The following LIMD1 variants were observed in gnomAD, a reference collection of about 807,000 sequenced individuals.
LIMD1 encodes the protein LIM domain containing 1, also known as LIM domain-containing protein 1.
Under a neutral mutation model 58.4 loss-of-function variants are expected in LIMD1, and 23 were observed. The ratio of observed to expected loss-of-function variants is 0.39; its 90% CI spans 0.28 to 0.56. LIMD1 has a LOEUF of 0.56. LIMD1 is among the 20% of genes least tolerant of loss of function. The probability of loss-of-function intolerance (pLI) is 0.57; values close to 1 mark genes in which losing one functional copy is unlikely to be tolerated. For missense variants in LIMD1, 838 were observed against 855.5 expected, an observed-to-expected ratio of 0.98 and a Z score of 0.25; for synonymous variants, 334 against 345.5, an observed-to-expected ratio of 0.97 and a Z score of 0.37.
intron 2 of LIMD1, among the ~76,000 whole-genome samples, chr3:45,662,963 G>T (rs1159823370): frequency 6.6e-6 from 1 of 150,732 alleles, no homozygotes; most frequent in Admixed American, 6.6e-5. Flanking sequence ...CAGCCTGGGC[G>T]ACACAGCGAG....
Position 45,595,783 on chromosome 3 carries a change from G to A in LIMD1, c.904G>A (p.Ala302Thr), listed in dbSNP as rs200930881. The A allele has an allele frequency of 4.0e-5, 65 of 1,613,970 alleles. No individual in the cohort carries two copies. The highest frequency in any genetic ancestry group is 5.0e-5 in the Non-Finnish European group (59 of 1,180,026). The change falls in exon 1 of 8, where the codon GCC becomes ACC. Residue 302 changes from alanine to threonine, a missense_variant. By Grantham distance (58) the Ala-to-Thr change is moderately conservative. Transcript: ENST00000273317. ...GACCCCTTCTGTGTCAGCACCCTTG[G>A]CCCTGAGCTGCCCCAGGCAAGGAGG... ...PRTPSVSAPL[A>T]LSCPRQGGLP...
intron 4 of LIMD1, 105 bp from the exon 5 acceptor site, chr3:45,672,585 C>A: frequency 7.7e-7 from 1 of 1,304,860 alleles, no homozygotes; most frequent in Non-Finnish European, 1.1e-6. Context: ...TAAGTGTACT[C>A]TGTGTGTGAC....
chr3:45,658,675 C>T (rs1697384418), intron 2 of LIMD1, among the ~76,000 whole-genome samples: 1 of 151,370 alleles, frequency 6.6e-6, no homozygotes, highest in Non-Finnish European at 1.5e-5. Flanking sequence ...CCTGCCTCAG[C>T]CTCCTGAGTA....
At chr3:45,633,197 G>A (rs1195370193) in intron 1 of LIMD1, among the ~76,000 whole-genome samples, 2 of 151,966 alleles carry the variant, frequency 1.3e-5, no homozygotes, top group East Asian at 1.9e-4. Context: ...TCATCCGCCC[G>A]CCACCCTCCC....
In LIMD1 at chr3:45,682,630, CAA is replaced by C. The variant is rs1697758737; in HGVS notation, c.*5572_*5573del. Reference sequence around the variant, plus strand: ...TCTTTATCATCCCTCATTTGATAGACAAGACAACTGAGACACAAAAGGGTGAA... The same window carrying C: ...TCTTTATCATCCCTCATTTGATAGACGACAACTGAGACACAAAAGGGTGAA... On this transcript the variant is annotated 3_prime_UTR_variant, in exon 8 of 8. Transcript: ENST00000273317. 1.3e-5 allele frequency: 2 copies of C among 152,256 alleles called. No homozygotes were observed. The highest frequency in any genetic ancestry group is 1.3e-4 in the Admixed American group (2 of 15,286). The allele number at this position is 152,256 out of a possible 1,614,324, so 9.4% of individuals were successfully genotyped here.
chr3:45,596,260 G>C lies in LIMD1; in HGVS notation c.1381G>C (p.Asp461His). 6.2e-7 allele frequency: 1 copy of C among 1,609,078 alleles called. No homozygotes were observed. Among genetic ancestry groups the C allele is most frequent in the Non-Finnish European group, 8.5e-7 (1 of 1,178,114 alleles). ...ALTQRLEREM[D>H]AHPKADYFGA... ...CACCCAACGTCTGGAGCGAGAGATGGATGCTCACCCGAAGGCTGATTACTT... is the reference window on the plus strand; with the variant it reads ...CACCCAACGTCTGGAGCGAGAGATGCATGCTCACCCGAAGGCTGATTACTT... Residue 461 changes from aspartate to histidine, a missense_variant, in exon 1 of 8, where the codon GAT becomes CAT. Around this residue, in one of 3 missense-constraint regions of LIMD1, gnomAD observed 659 missense variants for 639.8 expected, o/e 1.03. Coordinates refer to ENST00000273317, the MANE Select transcript of LIMD1 (RefSeq NM_014240.3).
At chr3:45,641,429 T>A (rs982405262) in intron 2 of LIMD1, among the ~76,000 whole-genome samples, 5 of 151,674 alleles carry the variant, frequency 3.3e-5, no homozygotes, top group African/African-American at 1.2e-4. Flanking sequence ...TTTTCTATTT[T>A]CCCATTTCAA....
intron 1 of LIMD1, among the ~76,000 whole-genome samples, chr3:45,620,121 A>G (rs766727213): frequency 4.6e-5 from 7 of 152,142 alleles, no homozygotes; most frequent in Non-Finnish European, 1.0e-4. Context: ...CTCAGCCTGC[A>G]TGATGGGGTC....
chr3:45,597,819 G>A (rs1319788703), intron 1 of LIMD1, among the ~76,000 whole-genome samples: 4 of 152,134 alleles, frequency 2.6e-5, no homozygotes, highest in African/African-American at 9.7e-5. Context: ...GAGGGACCAG[G>A]GTCTGAGGCA....
At chr3:45,641,098 G>A (rs1460695280) in intron 2 of LIMD1, among the ~76,000 whole-genome samples, 1 of 152,214 alleles carries the variant, frequency 6.6e-6, no homozygotes, top group East Asian at 1.9e-4. Context: ...GTGTGTCTCT[G>A]TGAGCCTCAA....
At chr3:45,656,625 C>T (rs1299568346) in intron 2 of LIMD1, among the ~76,000 whole-genome samples, 1 of 152,008 alleles carries the variant, frequency 6.6e-6, no homozygotes, top group Admixed American at 6.5e-5. Context: ...TCAAGCGATT[C>T]TCCTGCCTCA....
intron 1 of LIMD1, among the ~76,000 whole-genome samples, chr3:45,615,847 T>C (rs1326217930): frequency 6.6e-6 from 1 of 151,790 alleles, no homozygotes; most frequent in Non-Finnish European, 1.5e-5. Context: ...CCGCACTGTA[T>C]GTCCATAGGG....
chr3:45,637,828 C>G (rs1701803898), intron 2 of LIMD1, among the ~76,000 whole-genome samples: 1 of 152,240 alleles, frequency 6.6e-6, no homozygotes, highest in Admixed American at 6.5e-5. Flanking sequence ...CTTCAGTCCT[C>G]ACTGCAATTT....
chr3:45,597,631 A>T (rs557453604), intron 1 of LIMD1, among the ~76,000 whole-genome samples: 13 of 152,156 alleles, frequency 8.5e-5, no homozygotes, highest in Admixed American at 5.2e-4. Context: ...TTTCTTTTTC[A>T]GTTTTTAACT....
intron 1 of LIMD1, among the ~76,000 whole-genome samples, chr3:45,629,433 A>T (rs1701705165): frequency 6.6e-6 from 1 of 151,176 alleles, no homozygotes; most frequent in African/African-American, 2.4e-5. Context: ...AAAAAAAAGA[A>T]AAGAAAAGAA....
At chr3:45,634,948 T>A (rs1376059450) in intron 1 of LIMD1, 2 of 152,136 alleles carry the variant, frequency 1.3e-5, no homozygotes, top group East Asian at 1.9e-4. Context: ...TTCAAATTTG[T>A]TTTTTCAGGC....
In LIMD1 at chr3:45,673,240, G is replaced by T. The variant is rs150964056; in HGVS notation, c.1773-214G>T. 4.8e-4 allele frequency among the ~76,000 whole-genome samples: 73 copies of T among 152,282 alleles called. No homozygotes were observed. In the East Asian group the frequency reaches 0.013, roughly 27 times the overall value. On this transcript the variant is annotated intron_variant, in intron 5 of 7. Coordinates refer to ENST00000273317, the MANE Select transcript of LIMD1 (RefSeq NM_014240.3). The stretch of plus-strand genomic sequence containing the variant: ...AAATCAGTTAGTGCTGTCCCCAGAA[G>T]AGTGAGAGGCAGCCAGTGTCCTCAT...
chr3:45,622,858 G>A (rs1396512454), intron 1 of LIMD1, among the ~76,000 whole-genome samples: 1 of 152,098 alleles, frequency 6.6e-6, no homozygotes, highest in East Asian at 1.9e-4. Context: ...AGTAGAGACA[G>A]GGTTTCACCA....
At chr3:45,608,125 C>CA (rs1348121193) in intron 1 of LIMD1, among the ~76,000 whole-genome samples, 2 of 152,224 alleles carry the variant, frequency 1.3e-5, no homozygotes, top group Non-Finnish European at 2.9e-5. Context: ...ATGTGGGCAG[C>CA]AAGGATTGCA....
Sources: gnomAD v4.1 joint callset for allele counts (sites outside exome capture counted in the v4.1 genomes callset) on GRCh38, gnomAD v4.1.1 for gene constraint, gnomAD v4.1.1 regional missense constraint, MANE v1.5 for transcripts, NCBI Gene and HGNC (gene_info 2026-07-23, HGNC 2026-07-21) for gene names.